The following ZNF208 variants were observed in gnomAD, a reference collection of about 807,000 sequenced individuals.
ZNF208 encodes the protein zinc finger protein 208.
In ZNF208, 10 loss-of-function variants were observed where a neutral mutation model predicts 12.1. The observed-to-expected ratio is 0.83, with a 90% CI of 0.51 to 1.40. The LOEUF is 1.40. ZNF208 is among the 40% of genes most tolerant of loss of function. ZNF208 has a pLI of 0.00. For synonymous variants in ZNF208, 497 were observed against 488.4 expected (o/e 1.02, Z -0.23); for missense variants, 1,652 against 1,485.0 (o/e 1.11, Z -1.85).
At chr19:22,005,616 T>C (rs1467416284) in intron 1 of ZNF208, among the ~76,000 whole-genome samples, 1 of 152,168 alleles carries the variant, frequency 6.6e-6, no homozygotes, top group African/African-American at 2.4e-5. Context: ...CAGATGCCAG[T>C]CACAAACCCC....
At chr19:22,006,555 T>C (rs1033329281) in intron 1 of ZNF208, among the ~76,000 whole-genome samples, 6 of 152,166 alleles carry the variant, frequency 3.9e-5, no homozygotes, top group Non-Finnish European at 7.3e-5. Context: ...GGGCCCCAGC[T>C]TTCCAGGGCT....
chr19:21,971,846 C>T lies in ZNF208; in HGVS notation c.3188G>A (p.Gly1063Asp), dbSNP rs1470380865. 2.4e-5 allele frequency: 38 copies of T among 1,613,200 alleles called. No individual in the cohort carries two copies. Among genetic ancestry groups the T allele is most frequent in the Non-Finnish European group, 3.1e-5 (37 of 1,179,726 alleles). ...TCTTGAGGGCCAGCTGAAGGCTTTG[C>T]CACATTCTTCACATTTGTAGGGTTT... is the stretch of plus-strand genomic sequence containing the variant. Reference protein sequence around the residue: ...GEKPYKCEECGKAFSWPSRLT... With the variant: ...GEKPYKCEECDKAFSWPSRLT... The change falls in exon 4 of 4, where the codon GGC (glycine) becomes GAC (aspartate). Residue 1063 changes from glycine to aspartate, a missense_variant. Coordinates refer to ENST00000397126, the MANE Select transcript of ZNF208 (RefSeq NM_007153.3).
At chr19:21,942,898 G>A (rs928096087) in intron 4 of ZNF208, among the ~76,000 whole-genome samples, 1 of 152,118 alleles carries the variant, frequency 6.6e-6, no homozygotes, top group African/African-American at 2.4e-5. Flanking sequence ...ATCTACCACT[G>A]CCAGCCTCCC....
chr19:21,949,666 T>A (rs575902836), intron 4 of ZNF208, among the ~76,000 whole-genome samples: 1 of 152,284 alleles, frequency 6.6e-6, no homozygotes, highest in Admixed American at 6.5e-5. Context: ...GGAAGGCATT[T>A]AATCTCTATG....
intron 1 of ZNF208, among the ~76,000 whole-genome samples, chr19:21,995,889 T>A (rs947729461): frequency 3.3e-5 from 5 of 152,206 alleles, no homozygotes; most frequent in South Asian, 2.1e-4. Context: ...AAAAAAGGAA[T>A]TTAAAATGTC....
chr19:21,953,647 G>C (rs541284788), intron 4 of ZNF208, among the ~76,000 whole-genome samples: 3 of 152,290 alleles, frequency 2.0e-5, no homozygotes, highest in Admixed American at 6.5e-5. Flanking sequence ...CCTTACAAGA[G>C]CTCCTGAAGG....
At chr19:22,000,044 T>G (rs554238836) in intron 1 of ZNF208, among the ~76,000 whole-genome samples, 2 of 152,154 alleles carry the variant, frequency 1.3e-5, no homozygotes, top group Non-Finnish European at 2.9e-5. Context: ...AAAAACTCCA[T>G]GGGTTCACAT....
chr19:21,945,342 T>C (rs994724682), intron 4 of ZNF208, among the ~76,000 whole-genome samples: 12 of 152,218 alleles, frequency 7.9e-5, no homozygotes, highest in Non-Finnish European at 1.3e-4. Context: ...ATAAATTACT[T>C]TATGCTGCAT....
chr19:21,982,269 A>G (rs1298504847), intron 3 of ZNF208, among the ~76,000 whole-genome samples: 1 of 151,362 alleles, frequency 6.6e-6, no homozygotes, highest in African/African-American at 2.4e-5. Context: ...GAGGCAGGAG[A>G]ATGGCGTGAA....
At chr19:21,948,483 T>G (rs1050863888) in intron 4 of ZNF208, among the ~76,000 whole-genome samples, 2 of 152,144 alleles carry the variant, frequency 1.3e-5, no homozygotes, top group African/African-American at 4.8e-5. Context: ...CAGCCTCCCA[T>G]ATTTTGGGCC....
rs954378373 is a variant in ZNF208 at position 21,970,137 on chromosome 19, A to G, written c.*1054T>C. Reference sequence around the variant, plus strand: ...TCTGTACGATTTCTTTTATATTCAGAAAAGTCTGAGGTGTTGCCAAAAGCA... The same window carrying G: ...TCTGTACGATTTCTTTTATATTCAGGAAAGTCTGAGGTGTTGCCAAAAGCA... On this transcript the variant is annotated 3_prime_UTR_variant, in exon 4 of 4. Transcript: ENST00000397126. Among the ~76,000 whole-genome samples the G allele has an allele frequency of 2.0e-5, 3 of 152,176 alleles. No homozygotes were observed. Among genetic ancestry groups the G allele is most frequent in the Non-Finnish European group, 4.4e-5 (3 of 68,032 alleles).
At chr19:22,001,051 G>A (rs1222013186) in intron 1 of ZNF208, among the ~76,000 whole-genome samples, 1 of 152,162 alleles carries the variant, frequency 6.6e-6, no homozygotes, top group Non-Finnish European at 1.5e-5. Flanking sequence ...CACTTTGGGA[G>A]GCTGAGGTGG....
In ZNF208 at chr19:21,944,523, TTTATTC is replaced by T. The variant is rs1459147206; in HGVS notation, c.306-11292_306-11287del. Among the ~76,000 whole-genome samples, 6 of 152,270 alleles carry T rather than the reference TTTATTC, an allele frequency of 3.9e-5. No homozygotes were observed. In the East Asian group the frequency reaches 1.2e-3, roughly 29 times the overall value. ...TAAAATATTTTGAAATATGCATGGT[TTTATTC>T]TTATTCTTAAATATATACTATATTA... On this transcript the variant is annotated intron_variant, in intron 4 of 4. Transcript: ENST00000599916.
At chr19:21,961,408 G>C (rs536306178), downstream of ZNF208, among the ~76,000 whole-genome samples, 5 of 152,258 alleles carry the variant, frequency 3.3e-5, no homozygotes, top group East Asian at 7.7e-4. Context: ...AGGACTAAAA[G>C]CAAAGATCAC....
At chr19:21,987,084 G>C in intron 3 of ZNF208, 132 bp downstream of exon 3, 1 of 896,150 alleles carries the variant, frequency 1.1e-6, no homozygotes, top group Non-Finnish European at 1.6e-6. Flanking sequence ...GAAAATTAAA[G>C]AATAAAAATA....
chr19:21,982,977 C>T (rs1437566066), intron 3 of ZNF208, among the ~76,000 whole-genome samples: 3 of 152,076 alleles, frequency 2.0e-5, no homozygotes, highest in African/African-American at 7.2e-5. Flanking sequence ...GACTAAAACA[C>T]CAAAAACAAT....
intron 1 of ZNF208, among the ~76,000 whole-genome samples, chr19:22,001,389 G>A (rs1030099759): frequency 1.8e-4 from 27 of 152,070 alleles, no homozygotes; most frequent in African/African-American, 6.3e-4. Context: ...TGAAGCTCAG[G>A]ACCAGACATA....
intron 1 of ZNF208, chr19:21,991,755 A>AAT (rs1970741001): frequency 6.5e-6 from 1 of 152,846 alleles, no homozygotes. Context: ...AAAAAAAAAA[A>AAT]AAAAGAATCA....
chr19:21,949,531 C>T (rs1969860984), intron 4 of ZNF208, among the ~76,000 whole-genome samples: 1 of 152,112 alleles, frequency 6.6e-6, no homozygotes, highest in Non-Finnish European at 1.5e-5. Context: ...ATCTTTTATA[C>T]CACCTTATTA....
Sources: allele counts gnomAD v4.1 joint callset (sites outside exome capture counted in the v4.1 genomes callset), GRCh38; gene constraint gnomAD v4.1.1; transcripts MANE v1.5; gene names NCBI Gene and HGNC (gene_info 2026-07-23, HGNC 2026-07-21).